CHRNA7: variants seen among roughly 807,000 people sequenced by gnomAD.
CHRNA7 encodes the protein cholinergic receptor nicotinic alpha 7 subunit, also known as neuronal acetylcholine receptor subunit alpha-7.
In CHRNA7, 17 loss-of-function variants were observed where a neutral mutation model predicts 48.0. That is an observed-to-expected ratio of 0.35 (90% CI 0.24 to 0.53). CHRNA7 has a LOEUF of 0.53. Among genes scored for constraint, CHRNA7 ranks in the 20% least tolerant of loss-of-function variants. CHRNA7 has a pLI of 0.92. For synonymous variants in CHRNA7, 75 were observed against 242.3 expected, an observed-to-expected ratio of 0.31 and a Z score of 6.41; for missense variants, 155 against 577.7, an observed-to-expected ratio of 0.27 and a Z score of 7.50.
chr15:32,064,592 A>G (rs892947105), intron 2 of CHRNA7, among the ~76,000 whole-genome samples: 1 of 151,968 alleles, frequency 6.6e-6, no homozygotes, highest in Non-Finnish European at 1.5e-5. Context: ...TCATCATAGC[A>G]TGATTTGGAT....
At chr15:32,095,042 G>T (rs367870508) in intron 2 of CHRNA7, among the ~76,000 whole-genome samples, 2 of 152,250 alleles carry the variant, frequency 1.3e-5, no homozygotes, top group Admixed American at 6.5e-5. Flanking sequence ...ACAAATAAGG[G>T]AACTGAGTCT....
intron 2 of CHRNA7, 138 bp downstream of exon 2, chr15:32,031,175 TGA>T: frequency 1.0e-6 from 1 of 1,001,176 alleles, no homozygotes; most frequent in Non-Finnish European, 1.5e-6. Flanking sequence ...GGCCATGCTC[TGA>T]GTCTGTCCCC....
intron 4 of CHRNA7, among the ~76,000 whole-genome samples, chr15:32,145,002 G>T (rs1157424086): frequency 6.6e-6 from 1 of 152,144 alleles, no homozygotes; most frequent in Non-Finnish European, 1.5e-5. Flanking sequence ...GGGGTGCTCT[G>T]GTTTTTGGAA....
At chr15:32,076,517 A>G (rs1416206292) in intron 2 of CHRNA7, among the ~76,000 whole-genome samples, 1 of 151,992 alleles carries the variant, frequency 6.6e-6, no homozygotes, top group Non-Finnish European at 1.5e-5. Context: ...ATTTTGTTCT[A>G]TTGTTTTATT....
chr15:32,047,823 T>C (rs1228950163), intron 2 of CHRNA7, among the ~76,000 whole-genome samples: 1 of 152,220 alleles, frequency 6.6e-6, no homozygotes, highest in Non-Finnish European at 1.5e-5. Flanking sequence ...TAGATAGCTC[T>C]TATTATTTTG....
chr15:32,126,819 C>CA (rs1284779069), intron 4 of CHRNA7, among the ~76,000 whole-genome samples: 2 of 152,118 alleles, frequency 1.3e-5, no homozygotes, highest in African/African-American at 4.8e-5. Context: ...TAATATTCCC[C>CA]AGCAGTAACA....
intron 4 of CHRNA7, among the ~76,000 whole-genome samples, chr15:32,118,293 C>A (rs1246640533): frequency 2.0e-5 from 3 of 152,194 alleles, no homozygotes; most frequent in Non-Finnish European, 2.9e-5. Flanking sequence ...GAAATGAATT[C>A]TTTTCTTTAT....
intron 2 of CHRNA7, among the ~76,000 whole-genome samples, chr15:32,081,252 G>A (rs1354411707): frequency 2.0e-5 from 3 of 152,030 alleles, no homozygotes; most frequent in Non-Finnish European, 4.4e-5. Flanking sequence ...ATGTTTACCT[G>A]TGTAACAAAC....
chr15:32,045,119 C>T (rs2049517692), intron 2 of CHRNA7, among the ~76,000 whole-genome samples: 1 of 152,156 alleles, frequency 6.6e-6, no homozygotes, highest in Admixed American at 6.5e-5. Flanking sequence ...AGCTCTCAAG[C>T]TTGTTCTGAT....
chr15:32,138,388 A>G (rs1050707113), intron 4 of CHRNA7, among the ~76,000 whole-genome samples: 1 of 152,212 alleles, frequency 6.6e-6, no homozygotes, highest in African/African-American at 2.4e-5. Flanking sequence ...TTTTTAAAGC[A>G]GTTTGAGGTT....
chr15:32,036,867 C>T (rs1902116467), intron 2 of CHRNA7, among the ~76,000 whole-genome samples: 1 of 148,828 alleles, frequency 6.7e-6, no homozygotes, highest in Non-Finnish European at 1.5e-5. Flanking sequence ...AAATATTTTT[C>T]CCAGTCAGTA....
chr15:32,143,965 T>C (rs1227875230), intron 4 of CHRNA7, among the ~76,000 whole-genome samples: 1 of 152,222 alleles, frequency 6.6e-6, no homozygotes, highest in East Asian at 1.9e-4. Flanking sequence ...GTCATTATGA[T>C]GCTAGCTGAT....
chr15:32,058,207 A>T (rs111865782), intron 2 of CHRNA7, among the ~76,000 whole-genome samples: 1 of 152,196 alleles, frequency 6.6e-6, no homozygotes, highest in African/African-American at 2.4e-5. Context: ...CCTCTGAAAC[A>T]TGCAGGGTTG....
At chr15:32,157,202 A>ACC (rs1491352306) in intron 5 of CHRNA7, 1 of 16,472 alleles carries the variant, frequency 6.1e-5, no homozygotes, top group African/African-American at 1.2e-4. Flanking sequence ...CACCAAACAG[A>ACC]CACACACACA....
chr15:32,056,524 T>C (rs2049791755), intron 2 of CHRNA7, among the ~76,000 whole-genome samples: 1 of 152,198 alleles, frequency 6.6e-6, no homozygotes, highest in African/African-American at 2.4e-5. Flanking sequence ...TAATGGACAT[T>C]TTAATTATTT....
At chr15:32,057,260 G>A (rs1161975431) in intron 2 of CHRNA7, among the ~76,000 whole-genome samples, 1 of 152,190 alleles carries the variant, frequency 6.6e-6, no homozygotes, top group Non-Finnish European at 1.5e-5. Flanking sequence ...TTAGCAGTTT[G>A]TTTATTAGGA....
At chr15:32,095,191 T>G (rs182135758) in intron 2 of CHRNA7, among the ~76,000 whole-genome samples, 7 of 152,230 alleles carry the variant, frequency 4.6e-5, no homozygotes. Context: ...TGAGCAGAGG[T>G]AGAGCCGAGC....
rs1380487210 is a variant in CHRNA7 at position 32,149,415 on chromosome 15, C to G, written c.351-4492C>G. Among the ~76,000 whole-genome samples the G allele has an allele frequency of 6.6e-6, 1 of 152,162 alleles. No individual in the cohort carries two copies. Among genetic ancestry groups the G allele is most frequent in the African/African-American group, 2.4e-5 (1 of 41,428 alleles). On this transcript the variant is annotated intron_variant, in intron 4 of 9. Transcript: ENST00000306901. This position sits in a 1 kb window ranked among gnomAD's most constrained non-coding sequence, Gnocchi z 4.6. ...GGCCACTGAGGTCCTCATAGGGGTT[C>G]TGGCCACTCACATTTCCGAGGTTCT...
chr15:32,101,164 A>G (rs1595446452), intron 2 of CHRNA7, 139 bp from the exon 3 acceptor site: 3 of 780,304 alleles, frequency 3.8e-6, no homozygotes, highest in Non-Finnish European at 6.2e-6. Context: ...CTGCTTGCAT[A>G]TATTGGAAGT....
Sources: allele counts gnomAD v4.1 joint callset (sites outside exome capture counted in the v4.1 genomes callset), GRCh38; gene constraint gnomAD v4.1.1; non-coding constraint Gnocchi (gnomAD v3.1); transcripts MANE v1.5; gene names NCBI Gene and HGNC (gene_info 2026-07-23, HGNC 2026-07-21).